MCC: variants seen among roughly 807,000 people sequenced by gnomAD.
The protein encoded by MCC is colorectal mutant cancer protein.
A neutral mutation model predicts 116.2 loss-of-function variants in MCC; 90 were observed. The ratio of observed to expected loss-of-function variants is 0.77; its 90% CI spans 0.65 to 0.92. The LOEUF (loss-of-function observed/expected upper bound fraction) is 0.92. Ranked by LOEUF, MCC falls within the 40% of genes least tolerant of loss-of-function variation. The probability of loss-of-function intolerance (pLI) is 0.00; values close to 1 mark genes in which losing one functional copy is unlikely to be tolerated. For synonymous variants in MCC, 578 were observed against 510.5 expected, an observed-to-expected ratio of 1.13 and a Z score of -1.78; for missense variants, 1,516 against 1,312.2, an observed-to-expected ratio of 1.16 and a Z score of -2.40.
At position 113,058,464 on chromosome 5, in the gene MCC, A is replaced by G. The variant is rs1016444929; in HGVS notation, c.2214-4505T>C. On this transcript the variant is annotated intron_variant, in intron 14 of 18. Coordinates refer to ENST00000408903, the MANE Select transcript of MCC (RefSeq NM_001085377.2). ...GGAGCCCAGCAATCTGTGTTTTAAT[A>G]TACCCTCTAGGTGACTCTGATGCAC... Among the ~76,000 whole-genome samples, 3 of 152,170 alleles carry G rather than the reference A, an allele frequency of 2.0e-5. No individual in the cohort carries two copies. The South Asian group carries it at 6.2e-4, about 31-fold the overall frequency.
chr5:113,465,239 G>T (rs1771869007), intron 1 of MCC, among the ~76,000 whole-genome samples: 1 of 151,508 alleles, frequency 6.6e-6, no homozygotes, highest in Non-Finnish European at 1.5e-5. Flanking sequence ...GCAAATATAT[G>T]TTTTTCAAAG....
At chr5:113,144,345 A>C (rs189371576) in intron 4 of MCC, among the ~76,000 whole-genome samples, 18 of 152,356 alleles carry the variant, frequency 1.2e-4, no homozygotes, top group Admixed American at 9.8e-4. Context: ...GTGATGGAAC[A>C]AGTAGCCTAG....
intron 3 of MCC, among the ~76,000 whole-genome samples, chr5:113,195,919 G>C (rs1762382798): frequency 6.6e-6 from 1 of 152,006 alleles, no homozygotes; most frequent in Non-Finnish European, 1.5e-5. Context: ...AGTCACAGCT[G>C]GCTTCTTTTG....
Position 113,430,683 on chromosome 5 carries a change from T to C in MCC, c.171-45471A>G, listed in dbSNP as rs142542370. On this transcript the variant is annotated intron_variant, in intron 1 of 18. Transcript: ENST00000408903. ...ATCAAGAGGTCTTGCCAACTTTGTT[T>C]GTAGGAGGGCATGGAAAAGTAAGTT... is the stretch of plus-strand genomic sequence containing the variant. Among the ~76,000 whole-genome samples the C allele has an allele frequency of 2.1e-3, 315 of 152,274 alleles. 2 individuals are homozygous for C. The highest frequency in any genetic ancestry group is 7.1e-3 in the African/African-American group (295 of 41,556).
At chr5:113,132,451 C>CATATATATATATATATATATAT (rs1405150950) in intron 5 of MCC, among the ~76,000 whole-genome samples, 55 of 124,434 alleles carry the variant, frequency 4.4e-4, no homozygotes, top group African/African-American at 1.8e-3. Flanking sequence ...TATACACACA[C>CATATATATATATATATATATAT]ACACACACAC....
chr5:113,223,450 G>A (rs77701892), intron 3 of MCC, among the ~76,000 whole-genome samples: 7,234 of 152,146 alleles, frequency 0.048, 306 homozygotes, highest in African/African-American at 0.11. Context: ...CCCTGGGGAT[G>A]CGTTTGAATT....
Position 113,340,726 on chromosome 5 carries a change from G to A in MCC, c.420C>T (p.Ala140=), listed in dbSNP as rs774449404. The change falls in exon 3 of 19, where the codon GCC becomes GCT. Residue 140 remains alanine (A), a synonymous_variant. Transcript: ENST00000408903. ...WPTSSDNSLG[A]LSAARESWEY... is the part of the protein sequence containing the mutation. ...CCCAGCTCTCCCTGGCTGCTGATAA[G>A]GCACCTAAGTCCGAGAGAAGCAGAG... 6 of 1,612,938 alleles carry A rather than the reference G, an allele frequency of 3.7e-6. No homozygotes were observed. In the African/African-American group the frequency reaches 6.7e-5, roughly 18 times the overall value.
intron 3 of MCC, among the ~76,000 whole-genome samples, chr5:113,315,142 T>C (rs1357227355): frequency 1.3e-5 from 2 of 152,222 alleles, no homozygotes; most frequent in East Asian, 1.9e-4. Flanking sequence ...ATCCTTACTA[T>C]TGGCTGAGGT....
At chr5:113,463,849 G>A (rs756969679) in intron 1 of MCC, among the ~76,000 whole-genome samples, 3 of 152,176 alleles carry the variant, frequency 2.0e-5, no homozygotes, top group Non-Finnish European at 4.4e-5. Flanking sequence ...GGTTAAAAGA[G>A]AAGTGAGCAA....
intron 3 of MCC, among the ~76,000 whole-genome samples, chr5:113,310,229 C>T (rs998062645): frequency 4.6e-5 from 7 of 152,182 alleles, no homozygotes; most frequent in Non-Finnish European, 1.0e-4. Context: ...AGATTAATAC[C>T]CTTACAAAAG....
At chr5:113,289,693 T>C (rs1183045981) in intron 3 of MCC, among the ~76,000 whole-genome samples, 1 of 152,230 alleles carries the variant, frequency 6.6e-6, no homozygotes, top group Non-Finnish European at 1.5e-5. Flanking sequence ...CAACATTAGT[T>C]TGCCATTCAT....
chr5:113,082,985 G>T lies in MCC; in HGVS notation c.1659C>A (p.His553Gln). The stretch of plus-strand genomic sequence containing the variant: ...AGCAGTCCTGAAGTGAGTGGGCCAG[G>T]TGTTCAGCCACACTGCTGGATACCT... ...SIGVSSSVAE[H>Q]LAHSLQDCSN... Residue 553 changes from histidine (H) to glutamine (Q), a missense_variant, in exon 11 of 19, where the codon CAC (histidine) becomes CAA (glutamine). Transcript: ENST00000408903. 6.2e-7 allele frequency: 1 copy of T among 1,614,008 alleles called. No homozygotes were observed. Among genetic ancestry groups the T allele is most frequent in the Non-Finnish European group, 8.5e-7 (1 of 1,179,964 alleles).
At position 113,049,311 on chromosome 5, in the gene MCC, G is replaced by T. The variant is rs1357488228; in HGVS notation, c.2449-12C>A. The T allele has an allele frequency of 6.4e-7, 1 of 1,558,130 alleles. No homozygotes were observed. Among genetic ancestry groups the T allele is most frequent in the Admixed American group, 1.9e-5 (1 of 52,278 alleles). On this transcript the variant is annotated splice_polypyrimidine_tract_variant and intron_variant, in intron 15 of 18. Coordinates refer to ENST00000408903, the MANE Select transcript of MCC (RefSeq NM_001085377.2). Reference sequence around the variant, plus strand: ...TCGGCCATCTCCTCCTACAGACAAAGGAGCACAGAGCACATGAGGCATGCC... The same window carrying T: ...TCGGCCATCTCCTCCTACAGACAAATGAGCACAGAGCACATGAGGCATGCC...
At chr5:113,103,676 T>A (rs1167774443) in intron 7 of MCC, among the ~76,000 whole-genome samples, 1 of 152,188 alleles carries the variant, frequency 6.6e-6, no homozygotes, top group African/African-American at 2.4e-5. Flanking sequence ...GTCACTAAGT[T>A]ACGTTGAAGG....
rs558757780 is a variant in MCC at position 113,180,826 on chromosome 5, T to A, written c.628-29404A>T. 5.3e-5 allele frequency among the ~76,000 whole-genome samples: 8 copies of A among 152,270 alleles called. No homozygotes were observed. In the South Asian group the frequency reaches 1.7e-3, roughly 32 times the overall value. ...TTAATATTTTTCTGACTTTCTACAT[T>A]TTATATAATAGTTAACAATTACATT... is the stretch of plus-strand genomic sequence containing the variant. On this transcript the variant is annotated intron_variant, in intron 3 of 18. Coordinates refer to ENST00000408903, the MANE Select transcript of MCC (RefSeq NM_001085377.2).
At chr5:113,257,851 G>A (rs965907209) in intron 3 of MCC, among the ~76,000 whole-genome samples, 5 of 152,206 alleles carry the variant, frequency 3.3e-5, no homozygotes, top group African/African-American at 9.7e-5. Flanking sequence ...CGAGGGAGGG[G>A]AAAGCGTTCT....
intron 3 of MCC, among the ~76,000 whole-genome samples, chr5:113,279,461 A>G (rs900659755): frequency 3.3e-5 from 5 of 152,110 alleles, no homozygotes; most frequent in African/African-American, 1.2e-4. Flanking sequence ...TGAATTTAAA[A>G]CTCTTTCATT....
rs759971263 is a variant in MCC at position 113,434,138 on chromosome 5, G to C, written c.171-48926C>G. The C allele has an allele frequency of 6.2e-7, 1 of 1,614,194 alleles. No individual in the cohort carries two copies. The highest frequency in any genetic ancestry group is 1.1e-5 in the South Asian group (1 of 91,082). ...CTGTCAGGTGCTTGGAGCGTGGGAA[G>C]TTGACGCGGTGCTCCTTCTGGATAC... On this transcript the variant is annotated intron_variant, in intron 1 of 18. Coordinates refer to ENST00000408903, the MANE Select transcript of MCC (RefSeq NM_001085377.2). The surrounding 1 kb of genome is among the most constrained non-coding windows in gnomAD (Gnocchi z 4.2).
At chr5:113,272,323 G>A (rs1336743692) in intron 3 of MCC, among the ~76,000 whole-genome samples, 1 of 152,076 alleles carries the variant, frequency 6.6e-6, no homozygotes, top group East Asian at 1.9e-4. Flanking sequence ...TGTTCTGCTG[G>A]TGATTTTCAA....
Sources: allele counts gnomAD v4.1 joint callset (sites outside exome capture counted in the v4.1 genomes callset), GRCh38; gene constraint gnomAD v4.1.1; non-coding constraint Gnocchi (gnomAD v3.1); transcripts MANE v1.5; gene names NCBI Gene and HGNC (gene_info 2026-07-23, HGNC 2026-07-21).